COPB2: variants seen among roughly 807,000 people sequenced by gnomAD.
COPB2 encodes coat protein complex I subunit beta 2.
A neutral mutation model predicts 120.8 loss-of-function variants in COPB2; 16 were observed. The ratio of observed to expected loss-of-function variants is 0.13; its 90% confidence interval spans 0.09 to 0.20. The LOEUF (loss-of-function observed/expected upper bound fraction) is 0.20. Among genes scored for constraint, COPB2 ranks in the 10% least tolerant of loss-of-function variants. COPB2 has a pLI of 1.00. For missense variants in COPB2, 794 were observed against 1,076.5 expected, an observed-to-expected ratio of 0.74 and a Z score of 3.67; for synonymous variants, 332 against 366.3, an observed-to-expected ratio of 0.91 and a Z score of 1.07.
chr3:139,358,636 G>C, intron 20 of COPB2, 108 bp downstream of exon 20: 1 of 760,568 alleles, frequency 1.3e-6, no homozygotes, highest in Non-Finnish European at 2.3e-6. Flanking sequence ...AGCCTAGATC[G>C]CGCCACTGCA....
chr3:139,379,148 T>C lies in COPB2; in HGVS notation c.254A>G (p.Asn85Ser), dbSNP rs757373467. The change falls in exon 4 of 22, where the codon AAT (asparagine) becomes AGT (serine). Residue 85 changes from asparagine to serine, a missense_variant. Physicochemically the swap from Asn to Ser is conservative, Grantham distance 46. Transcript: ENST00000333188. ...ATGAACTCTCTCCAGAGTATTGTAA[T>C]TGAACACTCTAATCTGCATGTCATC... ...GADDMQIRVF[N>S]YNTLERVHMF... 2 of 1,608,776 alleles carry C rather than the reference T, an allele frequency of 1.2e-6. No homozygotes were observed. The highest frequency in any genetic ancestry group is 1.7e-6 in the Non-Finnish European group (2 of 1,178,444).
intron 3 of COPB2, 25 bp downstream of exon 3, chr3:139,379,355 A>G (rs753781182): frequency 1.9e-6 from 3 of 1,604,224 alleles, no homozygotes; most frequent in Non-Finnish European, 1.7e-6. Flanking sequence ...GAAAATGGGA[A>G]TAGAGATTCA....
intron 9 of COPB2, among the ~76,000 whole-genome samples, chr3:139,372,531 A>G (rs1941639477): frequency 6.6e-6 from 1 of 152,238 alleles, no homozygotes; most frequent in Admixed American, 6.5e-5. Flanking sequence ...AACCTTTATA[A>G]GACAATTATA....
intron 1 of COPB2, among the ~76,000 whole-genome samples, chr3:139,388,626 G>GTT (rs35109875): frequency 3.4e-4 from 41 of 121,444 alleles, no homozygotes; most frequent in South Asian, 1.4e-3. Context: ...TTCATAACAA[G>GTT]TTTTTTTTTT....
intron 15 of COPB2, among the ~76,000 whole-genome samples, 190 bp downstream of exon 15, chr3:139,366,378 G>A (rs1941515378): frequency 6.6e-6 from 1 of 152,172 alleles, no homozygotes; most frequent in Non-Finnish European, 1.5e-5. Flanking sequence ...AGGGGGCACT[G>A]AGAAAGGAGA....
chr3:139,376,148 T>C (rs573591091), intron 5 of COPB2, among the ~76,000 whole-genome samples: 2 of 152,270 alleles, frequency 1.3e-5, no homozygotes, highest in East Asian at 3.9e-4. Context: ...TCCTAACAAC[T>C]CAGGAGGCTG....
intron 4 of COPB2, among the ~76,000 whole-genome samples, chr3:139,378,471 CAA>C (rs988275015): frequency 3.3e-5 from 5 of 152,058 alleles, no homozygotes; most frequent in Non-Finnish European, 5.9e-5. Context: ...AAAGAATGGC[CAA>C]AGAGTAATAT....
In COPB2 at chr3:139,374,158, C is replaced by A. The variant is rs192628967; in HGVS notation, c.751+331G>T. The A allele has an allele frequency of 1.5e-5, 6 of 413,632 alleles. No homozygotes were observed. In the East Asian group the frequency reaches 2.7e-4, roughly 19 times the overall value. 25.6% of individuals were successfully genotyped at this position (413,632 alleles called of 1,614,324 possible). A position where few individuals can be genotyped will look rare whatever the true frequency, so the allele number is the denominator to read the frequency against. ...GTTTCCATTTCATAATTTGCCCAAA[C>A]ACACATTCATGACATAACAGAGCCT... On this transcript the variant is annotated intron_variant, in intron 7 of 21. Transcript: ENST00000333188.
At chr3:139,371,103 T>C (rs1262463278) in intron 10 of COPB2, among the ~76,000 whole-genome samples, 1 of 152,176 alleles carries the variant, frequency 6.6e-6, no homozygotes, top group Non-Finnish European at 1.5e-5. Context: ...CTAATGTTTA[T>C]TACGTGCATT....
chr3:139,359,956 G>C (rs1429587339), intron 17 of COPB2, among the ~76,000 whole-genome samples: 1 of 151,988 alleles, frequency 6.6e-6, no homozygotes, highest in African/African-American at 2.4e-5. Context: ...ACTTACATAG[G>C]AATGTTAAAT....
chr3:139,371,734 G>A lies in COPB2; in HGVS notation c.1194C>T (p.His398=), dbSNP rs904778583. 5 of 1,613,378 alleles carry A rather than the reference G, an allele frequency of 3.1e-6. No homozygotes were observed. Among genetic ancestry groups the A allele is most frequent in the East Asian group, 2.2e-5 (1 of 44,870 alleles). The part of the protein sequence containing the change: ...FGSAQEFAWA[H]DSSEYAIRES... ...CAATCAAAACTTACTCTGAAGAATC[G>A]TGGGCCCATGCAAACTCCTGAGCAG... is the stretch of plus-strand genomic sequence containing the variant. Residue 398 remains histidine, a synonymous_variant, in exon 10 of 22, where the codon CAC becomes CAT. Coordinates refer to ENST00000333188, the MANE Select transcript of COPB2 (RefSeq NM_004766.3).
chr3:139,362,190 T>TTA (rs1289702814), intron 16 of COPB2, among the ~76,000 whole-genome samples: 1 of 152,024 alleles, frequency 6.6e-6, no homozygotes, highest in East Asian at 1.9e-4. Flanking sequence ...TTAAAACAAA[T>TTA]TAGAGTGCTA....
At chr3:139,366,908 TAA>T in intron 14 of COPB2, 105 bp downstream of exon 14, 2 of 1,493,048 alleles carry the variant, frequency 1.3e-6, no homozygotes, top group Non-Finnish European at 9.1e-7. Flanking sequence ...GGCAACCTAC[TAA>T]AACTATAACA....
chr3:139,381,659 G>A (rs575587872), intron 2 of COPB2: 36 of 152,274 alleles, frequency 2.4e-4, no homozygotes, highest in African/African-American at 8.7e-4. Flanking sequence ...AAAAGGTATA[G>A]AAGAGAAAAA....
chr3:139,367,288 T>A, intron 13 of COPB2, 143 bp from the exon 14 acceptor site: 1 of 1,019,388 alleles, frequency 9.8e-7, no homozygotes, highest in Non-Finnish European at 1.4e-6. Context: ...AAAATTTTCC[T>A]TGGAATTTTT....
chr3:139,382,722 C>A (rs935088412), intron 2 of COPB2: 1 of 159,276 alleles, frequency 6.3e-6, no homozygotes, highest in Non-Finnish European at 1.4e-5. Flanking sequence ...GCTTTGTACT[C>A]TTAAATACAG....
At position 139,378,162 on chromosome 3, in the gene COPB2, C is replaced by G; in HGVS notation, c.383G>C (p.Trp128Ser). Residue 128 changes from tryptophan (W) to serine (S), a missense_variant, in exon 5 of 22, where the codon TGG (tryptophan) becomes TCG (serine). Physicochemically the swap from Trp to Ser is radical, Grantham distance 177. This residue lies in a region of COPB2 where 610 missense variants were observed against 866.7 expected (regional missense o/e 0.70). Transcript: ENST00000333188. ...TTGTGAGCAAGACCATTTTTTATCCCAGTCCCAGAGCTTAATAAGCATGTC... is the reference window on the plus strand; with the variant it reads ...TTGTGAGCAAGACCATTTTTTATCCGAGTCCCAGAGCTTAATAAGCATGTC... Reference protein sequence around the residue: ...SDDMLIKLWDWDKKWSCSQVF... With the variant: ...SDDMLIKLWDSDKKWSCSQVF... 1.3e-6 allele frequency: 2 copies of G among 1,581,996 alleles called. No homozygotes were observed. The highest frequency in any genetic ancestry group is 1.7e-4 in the Middle Eastern group (1 of 5,938).
At chr3:139,373,080 G>C in intron 9 of COPB2, 133 bp downstream of exon 9, 2 of 830,364 alleles carry the variant, frequency 2.4e-6, no homozygotes, top group East Asian at 2.5e-5. Flanking sequence ...CTGTGTTGAG[G>C]ATTGTGAGGC....
At chr3:139,364,777 G>A (rs770516899) in intron 15 of COPB2, among the ~76,000 whole-genome samples, 1 of 152,072 alleles carries the variant, frequency 6.6e-6, no homozygotes, top group Non-Finnish European at 1.5e-5. Context: ...AACCCAATAT[G>A]CCCCACCCAC....
Sources: allele counts gnomAD v4.1 joint callset (sites outside exome capture counted in the v4.1 genomes callset), GRCh38; gene constraint gnomAD v4.1.1; regional missense constraint gnomAD v4.1.1; transcripts MANE v1.5; gene names NCBI Gene and HGNC (gene_info 2026-07-23, HGNC 2026-07-21).